Variants in DOCK3 observed in about 807,000 individuals in gnomAD.
DOCK3 encodes dedicator of cytokinesis protein 3.
DOCK3 carries 60 observed loss-of-function variants against 265.6 expected under a neutral mutation model. The observed-to-expected ratio is 0.23, with a 90% confidence interval of 0.18 to 0.28. The LOEUF (loss-of-function observed/expected upper bound fraction) is 0.28, where lower values mean the gene tolerates loss of function less well. DOCK3 is among the 10% of genes least tolerant of loss of function. DOCK3 has a pLI of 1.00. For missense variants in DOCK3, 1,981 were observed against 2,594.3 expected, an observed-to-expected ratio of 0.76 and a Z score of 5.14; for synonymous variants, 881 against 938.0, an observed-to-expected ratio of 0.94 and a Z score of 1.11.
intron 1 of DOCK3, among the ~76,000 whole-genome samples, chr3:50,758,184 A>G (rs2040296774): frequency 7.5e-6 from 1 of 133,892 alleles, no homozygotes; most frequent in Non-Finnish European, 1.6e-5. Context: ...TCTCAAAAAA[A>G]AAAAAAAAAA....
chr3:51,326,515 C>T lies in DOCK3; in HGVS notation c.3403-3623C>T, dbSNP rs2084124265. ...CAGACTGGTCTCGAGCTCCTGACCTCATGATCTGCCCACCTGGGCCTCCCA... is the reference window on the plus strand; with the variant it reads ...CAGACTGGTCTCGAGCTCCTGACCTTATGATCTGCCCACCTGGGCCTCCCA... On this transcript the variant is annotated intron_variant, in intron 32 of 52. Coordinates refer to ENST00000266037, the MANE Select transcript of DOCK3 (RefSeq NM_004947.5). Among the ~76,000 whole-genome samples the T allele has an allele frequency of 1.3e-5, 2 of 152,108 alleles. 1 individual carries two copies. The highest frequency in any genetic ancestry group is 4.1e-4 in the South Asian group (2 of 4,828).
At chr3:50,816,441 C>A (rs1240565817) in intron 2 of DOCK3, among the ~76,000 whole-genome samples, 1 of 151,428 alleles carries the variant, frequency 6.6e-6, no homozygotes, top group East Asian at 1.9e-4. Context: ...CCCGCCTCAG[C>A]CTCCTGAGCA....
At chr3:50,797,193 T>C (rs1407576913) in intron 2 of DOCK3, among the ~76,000 whole-genome samples, 1 of 151,930 alleles carries the variant, frequency 6.6e-6, no homozygotes, top group African/African-American at 2.4e-5. Context: ...GCGGTATGGC[T>C]GGGGGGAGGT....
At chr3:51,243,514 T>C (rs941821792) in intron 21 of DOCK3, among the ~76,000 whole-genome samples, 1 of 152,166 alleles carries the variant, frequency 6.6e-6, no homozygotes, top group Non-Finnish European at 1.5e-5. Context: ...TTATCTTCCT[T>C]TGAGAAATGT....
intron 49 of DOCK3, among the ~76,000 whole-genome samples, chr3:51,363,799 C>T (rs2086919184): frequency 2.0e-5 from 3 of 152,220 alleles, no homozygotes; most frequent in Admixed American, 1.3e-4. Flanking sequence ...ATCCATATCC[C>T]TACAAAGGAC....
chr3:50,872,666 A>G (rs1051585198), intron 3 of DOCK3, among the ~76,000 whole-genome samples: 3 of 152,194 alleles, frequency 2.0e-5, no homozygotes, highest in Admixed American at 6.5e-5. Context: ...TAGAGGTGAT[A>G]TCTAGGAGCC....
At chr3:51,136,734 GA>G (rs761031101) in intron 9 of DOCK3, among the ~76,000 whole-genome samples, 8 of 152,060 alleles carry the variant, frequency 5.3e-5, no homozygotes, top group Admixed American at 2.0e-4. Context: ...AGGAAGGCTA[GA>G]AAGAACCCTT....
intron 5 of DOCK3, among the ~76,000 whole-genome samples, chr3:50,990,991 C>A (rs976712365): frequency 6.6e-6 from 1 of 152,104 alleles, no homozygotes; most frequent in African/African-American, 2.4e-5. Context: ...CAACATTAAC[C>A]ATTATACCAG....
At chr3:50,719,719 T>C in intron 1 of DOCK3, 1 of 1,416,748 alleles carries the variant, frequency 7.1e-7, no homozygotes, top group Non-Finnish European at 1.0e-6. Flanking sequence ...AGAGTGAAGT[T>C]CTTATCATCA....
At chr3:50,946,266 A>G (rs2076424786) in intron 5 of DOCK3, among the ~76,000 whole-genome samples, 1 of 152,158 alleles carries the variant, frequency 6.6e-6, no homozygotes, top group Non-Finnish European at 1.5e-5. Context: ...ACTATTTTTC[A>G]AATATATACT....
chr3:51,045,051 T>C (rs2080715478), intron 5 of DOCK3, among the ~76,000 whole-genome samples: 1 of 152,182 alleles, frequency 6.6e-6, no homozygotes, highest in South Asian at 2.1e-4. Flanking sequence ...CCAACAAACT[T>C]TTCCTTTGCA....
At chr3:50,723,258 G>T (rs1269864397) in intron 1 of DOCK3, among the ~76,000 whole-genome samples, 2 of 152,184 alleles carry the variant, frequency 1.3e-5, no homozygotes, top group South Asian at 2.1e-4. Context: ...AAGAAAGCTG[G>T]TTGACAGTAA....
chr3:51,345,244 T>A (rs951516003), intron 38 of DOCK3, among the ~76,000 whole-genome samples: 11 of 152,082 alleles, frequency 7.2e-5, no homozygotes, highest in Admixed American at 1.3e-4. Context: ...GCTGTGATAA[T>A]GGGGGTACAA....
At chr3:50,692,437 A>T (rs1327546972) in intron 1 of DOCK3, among the ~76,000 whole-genome samples, 2 of 152,180 alleles carry the variant, frequency 1.3e-5, no homozygotes, top group East Asian at 3.9e-4. Context: ...TGCACAGTTC[A>T]CAATAGGGTT....
At chr3:50,732,803 A>G (rs1234957277) in intron 1 of DOCK3, among the ~76,000 whole-genome samples, 1 of 152,180 alleles carries the variant, frequency 6.6e-6, no homozygotes, top group Non-Finnish European at 1.5e-5. Flanking sequence ...TATATTGTAT[A>G]CCTAAGGATA....
chr3:51,181,987 T>C (rs1052571131), intron 12 of DOCK3, among the ~76,000 whole-genome samples: 2 of 152,220 alleles, frequency 1.3e-5, no homozygotes, highest in African/African-American at 4.8e-5. Flanking sequence ...AAATTATCTT[T>C]TATATCCATT....
intron 5 of DOCK3, among the ~76,000 whole-genome samples, chr3:51,017,634 ATTG>A (rs2079406904): frequency 6.6e-6 from 1 of 151,600 alleles, no homozygotes; most frequent in Admixed American, 6.6e-5. Context: ...TCAGGAGCAT[ATTG>A]TTTAATTTTC....
chr3:51,334,314 T>A (rs1240370695), intron 35 of DOCK3, among the ~76,000 whole-genome samples: 3 of 152,028 alleles, frequency 2.0e-5, no homozygotes, highest in Non-Finnish European at 4.4e-5. Context: ...TGAGGAGAAA[T>A]GATAAATGAA....
chr3:51,064,689 G>T, intron 6 of DOCK3, 93 bp downstream of exon 6: 1 of 1,451,258 alleles, frequency 6.9e-7, no homozygotes, highest in Non-Finnish European at 9.4e-7. Flanking sequence ...TCTCTTTAAT[G>T]ATTCAAAGGC....
Sources: allele counts gnomAD v4.1 joint callset (sites outside exome capture counted in the v4.1 genomes callset), GRCh38; gene constraint gnomAD v4.1.1; transcripts MANE v1.5; gene names NCBI Gene and HGNC (gene_info 2026-07-23, HGNC 2026-07-21).